ICAM4: variants seen among roughly 807,000 people sequenced by gnomAD.
The protein encoded by ICAM4 is intercellular adhesion molecule 4 (Landsteiner-Wiener blood group), also known as intercellular adhesion molecule 4.
In ICAM4, 16 loss-of-function variants were observed where a neutral mutation model predicts 18.8. The observed-to-expected ratio is 0.85, with a 90% CI of 0.58 to 1.29. The LOEUF (loss-of-function observed/expected upper bound fraction) is 1.29. ICAM4 is among the 50% of genes most tolerant of loss of function. The probability of loss-of-function intolerance (pLI) is 0.00; values close to 1 mark genes in which losing one functional copy is unlikely to be tolerated. For synonymous variants in ICAM4, 163 were observed against 163.2 expected, an observed-to-expected ratio of 1.00 and a Z score of 0.01; for missense variants, 338 against 364.3, an observed-to-expected ratio of 0.93 and a Z score of 0.59.
Position 10,288,034 on chromosome 19 carries a change from T to G in ICAM4, c.746T>G (p.Leu249Arg). 6.2e-7 allele frequency: 1 copy of G among 1,614,090 alleles called. No homozygotes were observed. The highest frequency in any genetic ancestry group is 1.1e-5 in the South Asian group (1 of 91,084). Residue 249 changes from leucine to arginine, a missense_variant, in exon 3 of 3, where the codon CTT (leucine) becomes CGT (arginine). Leu to Arg is a moderately radical substitution (Grantham distance 102). Coordinates refer to ENST00000380770, the MANE Select transcript of ICAM4 (RefSeq NM_001544.5). ...TALASGSIAA[L>R]VGILLTVGAA... is the part of the protein sequence containing the mutation. ...TTGGCCTCCGGTTCCATCGCTGCCCTTGTAGGGATCCTCCTCACTGTGGGC... is the reference window on the plus strand; with the variant it reads ...TTGGCCTCCGGTTCCATCGCTGCCCGTGTAGGGATCCTCCTCACTGTGGGC...
chr19:10,287,043 T>G lies in ICAM4; in HGVS notation c.31T>G (p.Phe11Val), dbSNP rs770639024. 1 of 1,544,704 alleles carries G rather than the reference T, an allele frequency of 6.5e-7. No homozygotes were observed. The highest frequency in any genetic ancestry group is 8.7e-7 in the Non-Finnish European group (1 of 1,145,058). ...GTCTCTGTTCCCTCTGTCGCTGCTGTTTTTTTTGGCGGCCGCCTACCCGGG... is the reference window on the plus strand; with the variant it reads ...GTCTCTGTTCCCTCTGTCGCTGCTGGTTTTTTTGGCGGCCGCCTACCCGGG... MGSLFPLSLL[F>V]FLAAAYPGVG... The change falls in exon 1 of 3, where the codon TTT becomes GTT. Residue 11 changes from phenylalanine (F) to valine (V), a missense_variant. Coordinates refer to ENST00000380770, the MANE Select transcript of ICAM4 (RefSeq NM_001544.5). This position sits in a 1 kb window ranked among gnomAD's most constrained non-coding sequence, Gnocchi z 8.7.
rs1368884716 is a variant in ICAM4 at position 10,288,061 on chromosome 19, C to T, written c.773C>T (p.Ala258Val). The T allele has an allele frequency of 3.1e-6, 5 of 1,614,042 alleles. No individual in the cohort carries two copies. Among genetic ancestry groups the T allele is most frequent in the African/African-American group, 2.7e-5 (2 of 74,928 alleles). ...ALVGILLTVGAAYLCKCLAMK... is the reference protein window; with the variant it reads ...ALVGILLTVGVAYLCKCLAMK... ...GTAGGGATCCTCCTCACTGTGGGCGCTGCGTACCTATGCAAGTGCCTAGCT... is the reference window on the plus strand; with the variant it reads ...GTAGGGATCCTCCTCACTGTGGGCGTTGCGTACCTATGCAAGTGCCTAGCT... The change falls in exon 3 of 3, where the codon GCT becomes GTT. Residue 258 changes from alanine to valine, a missense_variant. Transcript: ENST00000380770.
Position 10,288,180 on chromosome 19 carries a change from G to A in ICAM4, c.*76G>A. On this transcript the variant is annotated 3_prime_UTR_variant, in exon 3 of 3. Transcript: ENST00000380770. ...TCTGGGGAAATGGCCATACATGGTG[G>A]CTGACGCCTGTAATCCCAGCACTTT... 1 of 1,611,496 alleles carries A rather than the reference G, an allele frequency of 6.2e-7. No individual in the cohort carries two copies. The highest frequency in any genetic ancestry group is 8.5e-7 in the Non-Finnish European group (1 of 1,178,450).
chr19:10,287,105 G>T lies in ICAM4; in HGVS notation c.93G>T (p.Ala31=). The change falls in exon 1 of 3, where the codon GCG becomes GCT. Residue 31 remains alanine, a synonymous_variant. Coordinates refer to ENST00000380770, the MANE Select transcript of ICAM4 (RefSeq NM_001544.5). The surrounding 1 kb of genome is among the most constrained non-coding windows in gnomAD (Gnocchi z 8.7). ...GSALGRRTKR[A]QSPKGSPLAP... ...CGCTGGGACGCCGGACTAAGCGGGC[G>T]CAAAGCCCCAAGGGTAGCCCTCTCG... is the stretch of plus-strand genomic sequence containing the variant. 3 of 1,599,178 alleles carry T rather than the reference G, an allele frequency of 1.9e-6. No homozygotes were observed. The highest frequency in any genetic ancestry group is 2.6e-6 in the Non-Finnish European group (3 of 1,170,350).
Position 10,287,056 on chromosome 19 carries a change from C to A in ICAM4, c.44C>A (p.Ala15Asp), listed in dbSNP as rs1344883665. The part of the protein sequence containing the change: ...FPLSLLFFLA[A>D]AYPGVGSALG... Reference sequence around the variant, plus strand: ...CTGTCGCTGCTGTTTTTTTTGGCGGCCGCCTACCCGGGAGTTGGGAGCGCG... The same window carrying A: ...CTGTCGCTGCTGTTTTTTTTGGCGGACGCCTACCCGGGAGTTGGGAGCGCG... Residue 15 changes from alanine (A) to aspartate (D), a missense_variant, in exon 1 of 3, where the codon GCC (alanine) becomes GAC (aspartate). Transcript: ENST00000380770. This position sits in a 1 kb window ranked among gnomAD's most constrained non-coding sequence, Gnocchi z 8.7. 2 of 1,567,664 alleles carry A rather than the reference C, an allele frequency of 1.3e-6. No individual in the cohort carries two copies. Among genetic ancestry groups the A allele is most frequent in the East Asian group, 4.5e-5 (2 of 44,158 alleles).
In ICAM4 at chr19:10,287,917, A is replaced by C; in HGVS notation, c.698-69A>C. On this transcript the variant is annotated intron_variant, in intron 2 of 2. Coordinates refer to ENST00000380770, the MANE Select transcript of ICAM4 (RefSeq NM_001544.5). This position sits in a 1 kb window ranked among gnomAD's most constrained non-coding sequence, Gnocchi z 8.7. ...TGACCCCGAGAGGGCGCACAGACCA[A>C]GCGTGAGCTCCACGCGGGTCGACAG... 1 of 1,610,530 alleles carries C rather than the reference A, an allele frequency of 6.2e-7. No homozygotes were observed. The highest frequency in any genetic ancestry group is 2.2e-5 in the East Asian group (1 of 44,818).
In ICAM4 at chr19:10,287,330, C is replaced by T; in HGVS notation, c.318C>T (p.Ala106=). Residue 106 remains alanine (A), a synonymous_variant, in exon 1 of 3, where the codon GCC becomes GCT. Coordinates refer to ENST00000380770, the MANE Select transcript of ICAM4 (RefSeq NM_001544.5). The surrounding 1 kb of genome is among the most constrained non-coding windows in gnomAD (Gnocchi z 8.7). ...CTTACCAGCTGCTCGACGTGAGGGC[C>T]TGGAGCTCCCTCGCGCACTGCCTCG... ...WVSYQLLDVR[A]WSSLAHCLVT... 12 of 1,613,296 alleles carry T rather than the reference C, an allele frequency of 7.4e-6. No homozygotes were observed. Among genetic ancestry groups the T allele is most frequent in the Non-Finnish European group, 1.0e-5 (12 of 1,179,846 alleles).
At position 10,287,197 on chromosome 19, in the gene ICAM4, G is replaced by C; in HGVS notation, c.185G>C (p.Gly62Ala). The change falls in exon 1 of 3, where the codon GGG becomes GCG. Residue 62 changes from glycine (G) to alanine (A), a missense_variant. Coordinates refer to ENST00000380770, the MANE Select transcript of ICAM4 (RefSeq NM_001544.5). This position sits in a 1 kb window ranked among gnomAD's most constrained non-coding sequence, Gnocchi z 8.7. ...MSPEFVAVQP[G>A]KSVQLNCSNS... ...CCGGAGTTCGTGGCTGTGCAGCCGG[G>C]GAAGTCAGTGCAGCTCAATTGCAGC... 6.2e-7 allele frequency: 1 copy of C among 1,612,558 alleles called. No individual in the cohort carries two copies. Among genetic ancestry groups the C allele is most frequent in the Non-Finnish European group, 8.5e-7 (1 of 1,179,482 alleles).
Position 10,288,105 on chromosome 19 carries a change from A to AGG in ICAM4, c.*5_*6dup. 3.7e-6 allele frequency: 6 copies of AGG among 1,614,098 alleles called. No homozygotes were observed. Among genetic ancestry groups the AGG allele is most frequent in the Non-Finnish European group, 4.2e-6 (5 of 1,180,016 alleles). Reference sequence around the variant, plus strand: ...CCTAGCTATGAAGTCCCAGGCGTAAAGGGGGATGTTCTATGCCGGCTGAGC... The same window carrying AGG: ...CCTAGCTATGAAGTCCCAGGCGTAAAGGGGGGGATGTTCTATGCCGGCTGAGC... On this transcript the variant is annotated 3_prime_UTR_variant, in exon 3 of 3. Transcript: ENST00000380770.
In ICAM4 at chr19:10,288,006, G is replaced by A. The variant is rs1177416666; in HGVS notation, c.718G>A (p.Ala240Thr). 1.9e-6 allele frequency: 3 copies of A among 1,614,092 alleles called. No homozygotes were observed. Among genetic ancestry groups the A allele is most frequent in the Non-Finnish European group, 2.5e-6 (3 of 1,180,024 alleles). Residue 240 changes from alanine to threonine, a missense_variant, in exon 3 of 3, where the codon GCT (alanine) becomes ACT (threonine). Coordinates refer to ENST00000380770, the MANE Select transcript of ICAM4 (RefSeq NM_001544.5). ...CCCAGCTTGGAGCCCCGCGCCCACAGCTTTGGCCTCCGGTTCCATCGCTGC... is the reference window on the plus strand; with the variant it reads ...CCCAGCTTGGAGCCCCGCGCCCACAACTTTGGCCTCCGGTTCCATCGCTGC... ...LMLAWSPAPT[A>T]LASGSIAALV...
chr19:10,287,233 C>A lies in ICAM4; in HGVS notation c.221C>A (p.Pro74His). The change falls in exon 1 of 3, where the codon CCC (proline) becomes CAC (histidine). Residue 74 changes from proline to histidine, a missense_variant. Physicochemically the swap from Pro to His is moderately conservative, Grantham distance 77 (BLOSUM62 -2). Transcript: ENST00000380770. The surrounding 1 kb of genome is among the most constrained non-coding windows in gnomAD (Gnocchi z 8.7). ...CAGCTCAATTGCAGCAACAGCTGTCCCCAGCCGCAGAATTCCAGCCTCCGC... is the reference window on the plus strand; with the variant it reads ...CAGCTCAATTGCAGCAACAGCTGTCACCAGCCGCAGAATTCCAGCCTCCGC... ...SVQLNCSNSC[P>H]QPQNSSLRTP... 2 of 1,613,376 alleles carry A rather than the reference C, an allele frequency of 1.2e-6. No homozygotes were observed. Among genetic ancestry groups the A allele is most frequent in the Non-Finnish European group, 1.7e-6 (2 of 1,179,934 alleles).
rs151158164 is a variant in ICAM4, at chr19:10,287,805, C to A, written c.664C>A (p.Arg222Ser). The change falls in exon 2 of 3, where the codon CGC becomes AGC. Residue 222 changes from arginine to serine, a missense_variant. By Grantham distance (110) the Arg-to-Ser change is moderately radical. Transcript: ENST00000380770. The surrounding 1 kb of genome is among the most constrained non-coding windows in gnomAD (Gnocchi z 8.7). ...CCTCAATCTCGACGGCCTGGTGGTC[C>A]GCAACAGCTCGGCACCCATTACACT... The part of the protein sequence containing the change: ...ARLNLDGLVV[R>S]NSSAPITLML... 1.9e-6 allele frequency: 3 copies of A among 1,612,604 alleles called. No homozygotes were observed. In the Admixed American group the frequency reaches 5.0e-5, roughly 27 times the overall value.
In ICAM4 at chr19:10,287,958, G is replaced by A. The variant is rs372747645; in HGVS notation, c.698-28G>A. The A allele has an allele frequency of 9.6e-5, 155 of 1,613,658 alleles. No homozygotes were observed. Among genetic ancestry groups the A allele is most frequent in the Non-Finnish European group, 1.2e-4 (147 of 1,179,968 alleles). ...GGGTCGACAGACCTCCCTGTGTTCC[G>A]TTCCTAATTCTCGCCTTCTGCTCCC... On this transcript the variant is annotated intron_variant, in intron 2 of 2. Coordinates refer to ENST00000380770, the MANE Select transcript of ICAM4 (RefSeq NM_001544.5). This position sits in a 1 kb window ranked among gnomAD's most constrained non-coding sequence, Gnocchi z 8.7.
At position 10,287,801 on chromosome 19, in the gene ICAM4, G is replaced by A. The variant is rs2040131092; in HGVS notation, c.660G>A (p.Val220=). The change falls in exon 2 of 3, where the codon GTG becomes GTA. Residue 220 remains valine (V), a synonymous_variant. Transcript: ENST00000380770. This position sits in a 1 kb window ranked among gnomAD's most constrained non-coding sequence, Gnocchi z 8.7. ...CGCGCCTCAATCTCGACGGCCTGGT[G>A]GTCCGCAACAGCTCGGCACCCATTA... The part of the protein sequence containing the change: ...CHARLNLDGL[V]VRNSSAPITL... 2 of 1,612,916 alleles carry A rather than the reference G, an allele frequency of 1.2e-6. No homozygotes were observed. Among genetic ancestry groups the A allele is most frequent in the Admixed American group, 1.7e-5 (1 of 59,984 alleles).
rs765577230 is a variant in ICAM4, at chr19:10,287,256, CG to C, written c.245del (p.Arg82ProfsTer23). ...SCPQPQNSSL[R>X]TPLRQGKTLR... ...TCCCCAGCCGCAGAATTCCAGCCTC[CG>C]CACCCCGCTGCGGCAAGGCAAGACG... On this transcript the variant is annotated frameshift_variant, in exon 1 of 3. Transcript: ENST00000380770. LOFTEE classifies it high-confidence loss of function. This position sits in a 1 kb window ranked among gnomAD's most constrained non-coding sequence, Gnocchi z 8.7. The C allele has an allele frequency of 6.2e-7, 1 of 1,613,606 alleles. No homozygotes were observed. The highest frequency in any genetic ancestry group is 2.2e-5 in the East Asian group (1 of 44,874).
At position 10,287,650 on chromosome 19, in the gene ICAM4, A is replaced by T. The variant is rs200471341; in HGVS notation, c.509A>T (p.His170Leu). The T allele has an allele frequency of 6.2e-6, 10 of 1,613,950 alleles. No homozygotes were observed. The highest frequency in any genetic ancestry group is 8.5e-6 in the Non-Finnish European group (10 of 1,180,014). Residue 170 changes from histidine (H) to leucine (L), a missense_variant, in exon 2 of 3, where the codon CAT becomes CTT. His to Leu is a moderately conservative substitution (Grantham distance 99). Transcript: ENST00000380770. This position sits in a 1 kb window ranked among gnomAD's most constrained non-coding sequence, Gnocchi z 8.7. ...GGCTACTTGGTGGTGACCCTGAGGC[A>T]TGGAAGCCGGGTCATCTATTCCGAA... ...PVGYLVVTLRHGSRVIYSESL... is the reference protein window; with the variant it reads ...PVGYLVVTLRLGSRVIYSESL...
chr19:10,288,101 G>T lies in ICAM4; in HGVS notation c.813G>T (p.Ala271=). 6.2e-7 allele frequency: 1 copy of T among 1,614,144 alleles called. No individual in the cohort carries two copies. Among genetic ancestry groups the T allele is most frequent in the Non-Finnish European group, 8.5e-7 (1 of 1,180,024 alleles). The change falls in exon 3 of 3, where the codon GCG becomes GCT. Residue 271 remains alanine (A), a synonymous_variant. Coordinates refer to ENST00000380770, the MANE Select transcript of ICAM4 (RefSeq NM_001544.5). ...LCKCLAMKSQ[A] is the part of the protein sequence containing the mutation. Reference sequence around the variant, plus strand: ...AGTGCCTAGCTATGAAGTCCCAGGCGTAAAGGGGGATGTTCTATGCCGGCT... The same window carrying T: ...AGTGCCTAGCTATGAAGTCCCAGGCTTAAAGGGGGATGTTCTATGCCGGCT...
In ICAM4 at chr19:10,287,116, AG is replaced by A. The variant is rs1568297071; in HGVS notation, c.107del (p.Gly36ValfsTer17). The A allele has an allele frequency of 2.7e-5, 43 of 1,607,156 alleles. No individual in the cohort carries two copies. The highest frequency in any genetic ancestry group is 3.3e-5 in the Non-Finnish European group (39 of 1,175,932). ...GRRTKRAQSPKGSPLAPSGTS... is the reference protein window; with the variant it reads ...GRRTKRAQSPXGSPLAPSGTS... ...CGGACTAAGCGGGCGCAAAGCCCCA[AG>A]GGTAGCCCTCTCGCGCCCTCCGGGA... On this transcript the variant is annotated frameshift_variant, in exon 1 of 3. Transcript: ENST00000380770. LOFTEE classifies it high-confidence loss of function. This position sits in a 1 kb window ranked among gnomAD's most constrained non-coding sequence, Gnocchi z 8.7.
In ICAM4 at chr19:10,287,049, T is replaced by G. The variant is rs1025089399; in HGVS notation, c.37T>G (p.Leu13Val). The G allele has an allele frequency of 1.9e-6, 3 of 1,569,340 alleles. No homozygotes were observed. In the African/African-American group the frequency reaches 4.1e-5, roughly 21 times the overall value. Residue 13 changes from leucine to valine, a missense_variant, in exon 1 of 3, where the codon TTG becomes GTG. Transcript: ENST00000380770. The surrounding 1 kb of genome is among the most constrained non-coding windows in gnomAD (Gnocchi z 8.7). Reference sequence around the variant, plus strand: ...GTTCCCTCTGTCGCTGCTGTTTTTTTTGGCGGCCGCCTACCCGGGAGTTGG... The same window carrying G: ...GTTCCCTCTGTCGCTGCTGTTTTTTGTGGCGGCCGCCTACCCGGGAGTTGG... ...SLFPLSLLFFLAAAYPGVGSA... is the reference protein window; with the variant it reads ...SLFPLSLLFFVAAAYPGVGSA...
Sources: allele counts gnomAD v4.1 joint callset, GRCh38; gene constraint gnomAD v4.1.1; non-coding constraint Gnocchi (gnomAD v3.1); transcripts MANE v1.5; gene names NCBI Gene and HGNC (gene_info 2026-07-23, HGNC 2026-07-21).